The following CSMD3 variants were observed in gnomAD, a reference collection of about 807,000 sequenced individuals.
CSMD3 encodes CUB and Sushi multiple domains 3.
In CSMD3, 177 loss-of-function variants were observed where a neutral mutation model predicts 435.2. That is an observed-to-expected ratio of 0.41 (90% CI 0.36 to 0.46). CSMD3 has a LOEUF of 0.46. Ranked by LOEUF, CSMD3 falls within the 20% of genes least tolerant of loss-of-function variation. CSMD3 has a pLI of 0.34. For missense variants in CSMD3, 4,265 were observed against 4,504.6 expected (o/e 0.95, Z 1.52); for synonymous variants, 1,656 against 1,520.5 (o/e 1.09, Z -2.07).
At chr8:113,210,904 G>A (rs2092827256) in intron 3 of CSMD3, among the ~76,000 whole-genome samples, 1 of 151,756 alleles carries the variant, frequency 6.6e-6, no homozygotes, top group Non-Finnish European at 1.5e-5. Context: ...TCTTAGAAAG[G>A]TTGAATAACT....
intron 2 of CSMD3, 141 bp downstream of exon 2, chr8:113,314,430 A>T: frequency 3.1e-6 from 2 of 654,230 alleles, no homozygotes; most frequent in Non-Finnish European, 5.4e-6. Flanking sequence ...ATGGGATGAT[A>T]TATTTTCAAA....
At chr8:112,933,978 T>A (rs1188961993) in intron 9 of CSMD3, among the ~76,000 whole-genome samples, 1 of 152,074 alleles carries the variant, frequency 6.6e-6, no homozygotes, top group Non-Finnish European at 1.5e-5. Context: ...GTCACTGGGA[T>A]ATGAGCTAAG....
chr8:112,448,477 G>A (rs565188678), intron 32 of CSMD3, among the ~76,000 whole-genome samples: 1 of 152,250 alleles, frequency 6.6e-6, no homozygotes, highest in Non-Finnish European at 1.5e-5. Flanking sequence ...AGATGTTCAT[G>A]TGAAAACAGA....
intron 3 of CSMD3, among the ~76,000 whole-genome samples, chr8:113,238,377 C>T (rs1563587831): frequency 1.3e-5 from 2 of 152,034 alleles, no homozygotes; most frequent in African/African-American, 2.4e-5. Flanking sequence ...CATGTAAAGA[C>T]AAAATTATAT....
intron 22 of CSMD3, among the ~76,000 whole-genome samples, chr8:112,596,547 A>G (rs1831739953): frequency 6.6e-6 from 1 of 152,120 alleles, no homozygotes; most frequent in East Asian, 1.9e-4. Flanking sequence ...CTCCACCCCA[A>G]ATCAACAGAA....
rs576176250 is a variant in CSMD3 at position 113,056,429 on chromosome 8, A to C, written c.918-37250T>G. 5.9e-5 allele frequency among the ~76,000 whole-genome samples: 9 copies of C among 152,356 alleles called. No homozygotes were observed. In the East Asian group the frequency reaches 1.7e-3, roughly 29 times the overall value. On this transcript the variant is annotated intron_variant, in intron 5 of 70. Transcript: ENST00000297405. ...TGTTTAAGTGTTTTCATTGCTAAAC[A>C]ATATATTCAAATTATCTACTTAACA... is the stretch of plus-strand genomic sequence containing the variant.
intron 6 of CSMD3, among the ~76,000 whole-genome samples, chr8:112,987,652 G>A (rs1321150756): frequency 6.6e-6 from 1 of 152,106 alleles, no homozygotes; most frequent in Non-Finnish European, 1.5e-5. Context: ...TGTGAAATCA[G>A]TGCCTTTATG....
chr8:113,314,099 T>C (rs980729551), intron 2 of CSMD3: 4 of 152,454 alleles, frequency 2.6e-5, no homozygotes, highest in African/African-American at 9.6e-5. Context: ...TATGTAGTTT[T>C]CAGATATTTA....
chr8:112,845,883 A>G (rs2080303791), intron 11 of CSMD3, among the ~76,000 whole-genome samples: 1 of 152,004 alleles, frequency 6.6e-6, no homozygotes, highest in Admixed American at 6.6e-5. Flanking sequence ...ATGTAAAATG[A>G]AAAATGTTTG....
At chr8:112,872,910 A>G (rs572405109) in intron 10 of CSMD3, among the ~76,000 whole-genome samples, 1 of 152,046 alleles carries the variant, frequency 6.6e-6, no homozygotes, top group Non-Finnish European at 1.5e-5. Context: ...TGGAAGAGAG[A>G]TGAGAAGTAA....
chr8:112,821,219 A>C (rs1200871371), intron 12 of CSMD3, among the ~76,000 whole-genome samples: 1 of 152,188 alleles, frequency 6.6e-6, no homozygotes, highest in African/African-American at 2.4e-5. Context: ...ACCCTTAAGA[A>C]ATCACCACAC....
chr8:113,010,649 C>G (rs1209800797), intron 6 of CSMD3, among the ~76,000 whole-genome samples: 1 of 151,526 alleles, frequency 6.6e-6, no homozygotes, highest in Non-Finnish European at 1.5e-5. Flanking sequence ...TCCATGAGAT[C>G]ATAACATGAG....
At chr8:112,603,703 GTTTTTCTC>G (rs1037780449) in intron 22 of CSMD3, among the ~76,000 whole-genome samples, 1 of 152,076 alleles carries the variant, frequency 6.6e-6, no homozygotes, top group African/African-American at 2.4e-5. Context: ...ACATATCTAA[GTTTTTCTC>G]TTTTTTTATG....
intron 17 of CSMD3, among the ~76,000 whole-genome samples, chr8:112,663,079 G>A (rs1026592315): frequency 1.3e-5 from 2 of 151,482 alleles, no homozygotes; most frequent in African/African-American, 2.4e-5. Context: ...TGTTGGTGGC[G>A]ACTCCTCAGG....
chr8:112,511,963 C>T (rs150367880), intron 28 of CSMD3, among the ~76,000 whole-genome samples: 15 of 152,262 alleles, frequency 9.9e-5, no homozygotes, highest in African/African-American at 3.6e-4. Context: ...CTCATTCGTT[C>T]AAGTTTTATC....
At chr8:113,297,866 C>A (rs933152919) in intron 2 of CSMD3, among the ~76,000 whole-genome samples, 2 of 152,064 alleles carry the variant, frequency 1.3e-5, no homozygotes, top group Admixed American at 6.6e-5. Context: ...CTGACTGACA[C>A]ATTTAGTTAT....
intron 32 of CSMD3, among the ~76,000 whole-genome samples, chr8:112,449,575 A>G (rs1031814555): frequency 6.6e-6 from 1 of 152,134 alleles, no homozygotes; most frequent in Non-Finnish European, 1.5e-5. Context: ...GCAAATCCCA[A>G]TTTTATTCCT....
chr8:113,403,500 C>T (rs1481964899), intron 1 of CSMD3, among the ~76,000 whole-genome samples: 1 of 151,034 alleles, frequency 6.6e-6, no homozygotes, highest in Non-Finnish European at 1.5e-5. Flanking sequence ...TCAGTAACAC[C>T]AGGGTGAGGT....
intron 18 of CSMD3, among the ~76,000 whole-genome samples, chr8:112,652,712 A>C (rs2075158101): frequency 6.6e-6 from 1 of 152,244 alleles, no homozygotes; most frequent in East Asian, 1.9e-4. Context: ...GAAATGTTGC[A>C]AAATTGAGAA....
Sources: gnomAD v4.1 joint callset for allele counts (sites outside exome capture counted in the v4.1 genomes callset) on GRCh38, gnomAD v4.1.1 for gene constraint, MANE v1.5 for transcripts, NCBI Gene and HGNC (gene_info 2026-07-23, HGNC 2026-07-21) for gene names.